The following LRP5 variants were observed in gnomAD, a reference collection of about 807,000 sequenced individuals.
LRP5 encodes low-density lipoprotein receptor-related protein 5.
In LRP5, 62 loss-of-function variants were observed where a neutral mutation model predicts 154.1. That is an observed-to-expected ratio of 0.40 (90% CI 0.33 to 0.50). LRP5 has a LOEUF of 0.50. Among genes scored for constraint, LRP5 ranks in the 20% least tolerant of loss-of-function variants. The probability of loss-of-function intolerance (pLI) is 0.55; values close to 1 mark genes in which losing one functional copy is unlikely to be tolerated. For missense variants in LRP5, 1,915 were observed against 2,336.7 expected (o/e 0.82, Z 3.72); for synonymous variants, 966 against 1,011.5 (o/e 0.96, Z 0.85).
chr11:68,425,864 C>A, intron 15 of LRP5, 114 bp from the exon 16 acceptor site: 1 of 939,048 alleles, frequency 1.1e-6, no homozygotes. Context: ...CTGTCCAAAG[C>A]ATGGAATCCC....
At position 68,423,052 on chromosome 11, in the gene LRP5, CAGG is replaced by C. The variant is rs895290305; in HGVS notation, c.3028-436_3028-434del. 1.6e-4 allele frequency among the ~76,000 whole-genome samples: 24 copies of C among 152,278 alleles called. No individual in the cohort carries two copies. The highest frequency in any genetic ancestry group is 4.8e-4 in the African/African-American group (20 of 41,558). On this transcript the variant is annotated intron_variant, in intron 13 of 22. Transcript: ENST00000294304. The surrounding 1 kb of genome is among the most constrained non-coding windows in gnomAD (Gnocchi z 4.7). ...CTTGAGTCCTGGAAGGTGGAGGAGA[CAGG>C]GATGTGTTGGGAAGGGCCCCATGGT...
intron 7 of LRP5, 62 bp from the exon 8 acceptor site, chr11:68,403,421 C>G (rs187860847): frequency 2.1e-5 from 31 of 1,484,236 alleles, no homozygotes; most frequent in Admixed American, 5.2e-5. Flanking sequence ...AGGCAGGGTC[C>G]GGGTTGGCTC....
intron 5 of LRP5, among the ~76,000 whole-genome samples, chr11:68,384,639 G>A (rs2098642000): frequency 6.6e-6 from 1 of 152,202 alleles, no homozygotes; most frequent in African/African-American, 2.4e-5. Flanking sequence ...AATTTCTGTA[G>A]GAAGCTCTGA....
At chr11:68,421,292 T>TG (rs2098665493) in intron 13 of LRP5, among the ~76,000 whole-genome samples, 1 of 152,078 alleles carries the variant, frequency 6.6e-6, no homozygotes, top group Admixed American at 6.5e-5. Context: ...TTTATGAAAC[T>TG]GGCCAGCCGC....
intron 2 of LRP5, 102 bp downstream of exon 2, chr11:68,348,345 T>C: frequency 6.7e-7 from 1 of 1,498,500 alleles, no homozygotes; most frequent in African/African-American, 1.4e-5. Flanking sequence ...AAAAAGGGTG[T>C]GACTCTGAAA....
rs751156557 is a variant in LRP5, at chr11:68,386,605, G to A, written c.1305G>A (p.Thr435=). The part of the protein sequence containing the change: ...WVARNLYWTD[T]GTDRIEVTRL... The stretch of plus-strand genomic sequence containing the variant: ...CCCGAAACCTCTACTGGACCGACAC[G>A]GGCACGGACCGCATCGAGGTGACGC... The change falls in exon 6 of 23, where the codon ACG becomes ACA. Residue 435 remains threonine, a synonymous_variant. Coordinates refer to ENST00000294304, the MANE Select transcript of LRP5 (RefSeq NM_002335.4). This position sits in a 1 kb window ranked among gnomAD's most constrained non-coding sequence, Gnocchi z 7.9. 20 of 1,613,616 alleles carry A rather than the reference G, an allele frequency of 1.2e-5. No individual in the cohort carries two copies. Among genetic ancestry groups the A allele is most frequent in the South Asian group, 2.2e-5 (2 of 91,056 alleles).
rs1320335218 is a variant in LRP5 at position 68,409,053 on chromosome 11, A to G, written c.2092-861A>G. 3.5e-3 allele frequency among the ~76,000 whole-genome samples: 21 copies of G among 5,936 alleles called. No homozygotes were observed. In the East Asian group the frequency reaches 0.11, roughly 31 times the overall value. 3.9% of individuals were successfully genotyped at this position (5,936 alleles called of 152,430 possible). On this transcript the variant is annotated intron_variant, in intron 9 of 22. Transcript: ENST00000294304. ...CGACAGAGCAAGACTTATCTGGGGA[A>G]AAAAAAAAAAAAAAAAAAAAATATA... is the stretch of plus-strand genomic sequence containing the variant.
At chr11:68,325,538 C>T (rs11228204) in intron 1 of LRP5, among the ~76,000 whole-genome samples, 52 of 152,340 alleles carry the variant, frequency 3.4e-4, no homozygotes, top group Non-Finnish European at 2.9e-4. Flanking sequence ...CATTATGCAG[C>T]AGTGGCCTCC....
At chr11:68,349,353 A>T (rs1272420679) in intron 2 of LRP5, among the ~76,000 whole-genome samples, 1 of 152,002 alleles carries the variant, frequency 6.6e-6, no homozygotes, top group Admixed American at 6.6e-5. Flanking sequence ...TTCCTTTTTA[A>T]AACTTGCATG....
intron 1 of LRP5, among the ~76,000 whole-genome samples, chr11:68,320,865 T>C (rs1002074178): frequency 6.6e-6 from 1 of 152,210 alleles, no homozygotes; most frequent in Non-Finnish European, 1.5e-5. Flanking sequence ...TAGCTAGTCC[T>C]TCATCCTTGT....
chr11:68,317,557 G>A (rs1252104471), intron 1 of LRP5, among the ~76,000 whole-genome samples: 1 of 152,082 alleles, frequency 6.6e-6, no homozygotes. Context: ...GCCTTCCTGG[G>A]TTGGGGGTGG....
rs1395883769 is a variant in LRP5 at position 68,413,873 on chromosome 11, C to T, written c.2688C>T (p.His896=). The part of the protein sequence containing the change: ...LDFVMDILVF[H]SSRQDGLNDC... ...TCGTGATGGACATCCTGGTGTTCCA[C>T]TCCTCCCGCCAGGATGGCCTCAATG... is the stretch of plus-strand genomic sequence containing the variant. Residue 896 remains histidine, a synonymous_variant, in exon 12 of 23, where the codon CAC becomes CAT. Transcript: ENST00000294304. This position sits in a 1 kb window ranked among gnomAD's most constrained non-coding sequence, Gnocchi z 5.1. The T allele has an allele frequency of 3.7e-6, 6 of 1,613,290 alleles. No individual in the cohort carries two copies. The African/African-American group carries it at 8.0e-5, about 22-fold the overall frequency.
chr11:68,440,373 C>T (rs1266546612), intron 21 of LRP5, among the ~76,000 whole-genome samples: 1 of 152,190 alleles, frequency 6.6e-6, no homozygotes, highest in East Asian at 1.9e-4. Context: ...GGGTGATTTT[C>T]GTGGCTAAAA....
At chr11:68,443,570 TATATATATATATATA>T (rs2098679614) in intron 21 of LRP5, among the ~76,000 whole-genome samples, 2 of 39,952 alleles carry the variant, frequency 5.0e-5, no homozygotes, top group Non-Finnish European at 9.4e-5. Flanking sequence ...TATATATATA[TATATATATATATATA>T]TTTTTTTTTT....
rs867131615 is a variant in LRP5, at chr11:68,335,059, C to T, written c.92-12788C>T. On this transcript the variant is annotated intron_variant, in intron 1 of 22. Transcript: ENST00000294304. The stretch of plus-strand genomic sequence containing the variant: ...GGTCACAACGTTTTTGCCAACTGTT[C>T]GATACCTGACCTGGCTTTTTTTTTT... 2.8e-4 allele frequency among the ~76,000 whole-genome samples: 41 copies of T among 147,164 alleles called. No homozygotes were observed. In the Middle Eastern group the frequency reaches 0.029, roughly 103 times the overall value.
At chr11:68,324,730 G>A (rs1437496991) in intron 1 of LRP5, among the ~76,000 whole-genome samples, 1 of 152,248 alleles carries the variant, frequency 6.6e-6, no homozygotes, top group African/African-American at 2.4e-5. Flanking sequence ...AGAGGCTGGT[G>A]GGATTCCGCC....
At chr11:68,406,149 C>T (rs944465375) in intron 8 of LRP5, among the ~76,000 whole-genome samples, 9 of 152,196 alleles carry the variant, frequency 5.9e-5, no homozygotes, top group African/African-American at 9.6e-5. Flanking sequence ...CAGTGCCTGG[C>T]GCCTGACAAG....
chr11:68,444,410 G>A (rs557705915), intron 21 of LRP5, among the ~76,000 whole-genome samples: 2 of 152,102 alleles, frequency 1.3e-5, no homozygotes, highest in Admixed American at 6.5e-5. Flanking sequence ...CCAGCTTCTC[G>A]GGAGTCTGAG....
At chr11:68,408,242 A>ATTTTTT (rs11299690) in intron 9 of LRP5, among the ~76,000 whole-genome samples, 2 of 52,106 alleles carry the variant, frequency 3.8e-5, no homozygotes, top group African/African-American at 7.1e-5. Flanking sequence ...CTCCTGGCTG[A>ATTTTTT]TTTTTTTTTT....
Sources: allele counts gnomAD v4.1 joint callset (sites outside exome capture counted in the v4.1 genomes callset), GRCh38; gene constraint gnomAD v4.1.1; non-coding constraint Gnocchi (gnomAD v3.1); transcripts MANE v1.5; gene names NCBI Gene and HGNC (gene_info 2026-07-23, HGNC 2026-07-21).